The following ZNF726 variants were observed in gnomAD, a reference collection of about 807,000 sequenced individuals.
ZNF726 encodes the protein zinc finger protein 726, also known as zinc finger protein 92 pseudogene 3.
ZNF726 carries 15 observed loss-of-function variants against 11.6 expected under a neutral mutation model. The observed-to-expected ratio is 1.29, with a 90% CI of 0.86 to 1.99. The LOEUF is 1.99. ZNF726 is among the 30% of genes most tolerant of loss of function. The probability of loss-of-function intolerance (pLI) is 0.00; values close to 1 mark genes in which losing one functional copy is unlikely to be tolerated. For missense variants in ZNF726, 890 were observed against 725.6 expected, an observed-to-expected ratio of 1.23 and a Z score of -2.60; for synonymous variants, 295 against 243.6, an observed-to-expected ratio of 1.21 and a Z score of -1.96.
intron 3 of ZNF726, among the ~76,000 whole-genome samples, chr19:23,940,148 G>T (rs1206705853): frequency 6.6e-6 from 1 of 152,040 alleles, no homozygotes; most frequent in Non-Finnish European, 1.5e-5. Flanking sequence ...TATAGTTTCA[G>T]GTCTTAGGTT....
At chr19:23,928,255 A>G (rs1232397162) in intron 3 of ZNF726, 1 of 152,212 alleles carries the variant, frequency 6.6e-6, no homozygotes, top group Admixed American at 6.5e-5. Context: ...TGAGCCAAAT[A>G]AATATTATTT....
At chr19:23,940,957 A>C (rs2145004504) in intron 3 of ZNF726, among the ~76,000 whole-genome samples, 1 of 152,246 alleles carries the variant, frequency 6.6e-6, no homozygotes, top group South Asian at 2.1e-4. Flanking sequence ...CTTCCTGTTT[A>C]CTGATTTGGA....
downstream of ZNF726, chr19:23,936,059 G>T (rs1968225380): frequency 6.6e-6 from 1 of 152,190 alleles, no homozygotes; most frequent in Non-Finnish European, 1.5e-5. Flanking sequence ...ACATCAGGGA[G>T]TTTATATTGA....
downstream of ZNF726, chr19:23,935,555 G>C (rs1599472008): frequency 2.9e-6 from 1 of 346,404 alleles, no homozygotes; most frequent in Non-Finnish European, 5.7e-6. Context: ...AAATCTGAAA[G>C]ATGTGCCCAG....
chr19:23,921,612 T>C (rs1699100138), intron 3 of ZNF726: 1 of 152,178 alleles, frequency 6.6e-6, no homozygotes, highest in Admixed American at 6.5e-5. Context: ...TTGGTTAAAT[T>C]TGTTCTAAAA....
chr19:23,934,726 ATC>A (rs1409436809), downstream of ZNF726, among the ~76,000 whole-genome samples: 3 of 152,126 alleles, frequency 2.0e-5, no homozygotes, highest in South Asian at 4.1e-4. Context: ...ATATTTCTTG[ATC>A]TCTCTGAGCT....
intron 1 of ZNF726, among the ~76,000 whole-genome samples, chr19:23,915,323 G>T (rs1472374483): frequency 4.6e-5 from 7 of 152,304 alleles, no homozygotes; most frequent in African/African-American, 2.4e-5. Context: ...CTGACTCCGG[G>T]TGCGGGCTCA....
At chr19:23,920,963 C>T (rs7247123) in intron 3 of ZNF726, 36,002 of 152,090 alleles carry the variant, frequency 0.24, 4,471 homozygotes, top group African/African-American at 0.27. Context: ...CCAGTTTCCA[C>T]TGGCTGGAAC....
intron 3 of ZNF726, among the ~76,000 whole-genome samples, chr19:23,927,467 T>C (rs1968013332): frequency 6.6e-6 from 1 of 152,158 alleles, no homozygotes; most frequent in African/African-American, 2.4e-5. Context: ...TTGGTCTTCT[T>C]AAATTTATTT....
In ZNF726 at chr19:23,932,429, A is replaced by G. The variant is rs1225010496; in HGVS notation, c.313A>G (p.Lys105Glu). ...AAAAGTAATACTAAGAAGATTTGAA[A>G]AATGTGGACATGAGAATTTACAGTT... is the stretch of plus-strand genomic sequence containing the variant. ...FQKVILRRFE[K>E]CGHENLQLRK... The change falls in exon 4 of 4, where the codon AAA becomes GAA. Residue 105 changes from lysine (K) to glutamate (E), a missense_variant. Coordinates refer to ENST00000594466, the MANE Select transcript of ZNF726 (RefSeq NM_001244038.2). The G allele has an allele frequency of 1.3e-6, 2 of 1,566,554 alleles. No homozygotes were observed. Among genetic ancestry groups the G allele is most frequent in the Non-Finnish European group, 1.7e-6 (2 of 1,160,634 alleles).
chr19:23,934,180 A>C lies in ZNF726; in HGVS notation c.*213A>C, dbSNP rs761427955. The C allele has an allele frequency of 3.7e-6, 3 of 812,102 alleles. No homozygotes were observed. The highest frequency in any genetic ancestry group is 6.4e-6 in the Non-Finnish European group (3 of 468,288). 50.3% of individuals were successfully genotyped at this position (812,102 alleles called of 1,614,324 possible). A position where few individuals can be genotyped will look rare whatever the true frequency, so the allele number is the denominator to read the frequency against. On this transcript the variant is annotated 3_prime_UTR_variant, in exon 4 of 4. Transcript: ENST00000594466. ...TGGGAAAGCTTTTAATCATTCTCAA[A>C]TCTTACTACACATAAGATAATTCAT...
At chr19:23,921,554 C>T (rs1967852300) in intron 3 of ZNF726, 1 of 152,100 alleles carries the variant, frequency 6.6e-6, no homozygotes, top group Non-Finnish European at 1.5e-5. Context: ...TGTGTCCTCT[C>T]TAATTTTTTT....
intron 1 of ZNF726, among the ~76,000 whole-genome samples, chr19:23,918,060 G>T (rs1292381895): frequency 6.6e-6 from 1 of 152,168 alleles, no homozygotes; most frequent in Non-Finnish European, 1.5e-5. Flanking sequence ...CAGGAATGCG[G>T]TTATACCTGT....
intron 3 of ZNF726, among the ~76,000 whole-genome samples, chr19:23,925,674 A>C (rs1168481206): frequency 4.0e-5 from 6 of 150,822 alleles, no homozygotes; most frequent in African/African-American, 1.5e-4. Flanking sequence ...GTCTATTTCT[A>C]AATAAAGTTA....
chr19:23,937,749 C>T (rs368255270), downstream of ZNF726, among the ~76,000 whole-genome samples: 25 of 152,234 alleles, frequency 1.6e-4, no homozygotes, highest in Middle Eastern at 3.4e-3. Flanking sequence ...GGGTGGTGGC[C>T]GGGCAGAGGC....
chr19:23,934,824 C>G (rs1239484512), downstream of ZNF726, among the ~76,000 whole-genome samples: 1 of 152,236 alleles, frequency 6.6e-6, no homozygotes, highest in Non-Finnish European at 1.5e-5. Context: ...GTATCCAAAG[C>G]ATCTGGCACA....
intron 1 of ZNF726, among the ~76,000 whole-genome samples, chr19:23,916,167 C>T (rs1312886380): frequency 6.6e-6 from 1 of 152,116 alleles, no homozygotes; most frequent in Non-Finnish European, 1.5e-5. Context: ...CTCAAGTCTG[C>T]CCCTCATCCC....
chr19:23,929,313 CT>C (rs1175552948), intron 3 of ZNF726: 2 of 152,022 alleles, frequency 1.3e-5, no homozygotes, highest in African/African-American at 4.8e-5. Context: ...TGTTTTTATG[CT>C]GCTAATGAAG....
At position 23,934,187 on chromosome 19, in the gene ZNF726, T is replaced by A; in HGVS notation, c.*220T>A. On this transcript the variant is annotated 3_prime_UTR_variant, in exon 4 of 4. Coordinates refer to ENST00000594466, the MANE Select transcript of ZNF726 (RefSeq NM_001244038.2). ...GCTTTTAATCATTCTCAAATCTTAC[T>A]ACACATAAGATAATTCATACTGGAA... 1 of 805,622 alleles carries A rather than the reference T, an allele frequency of 1.2e-6. No homozygotes were observed. Among genetic ancestry groups the A allele is most frequent in the Non-Finnish European group, 2.2e-6 (1 of 462,578 alleles). The allele number at this position is 805,622 out of a possible 1,614,324, so 49.9% of individuals were successfully genotyped here.
Sources: allele counts gnomAD v4.1 joint callset (sites outside exome capture counted in the v4.1 genomes callset), GRCh38; gene constraint gnomAD v4.1.1; transcripts MANE v1.5; gene names NCBI Gene and HGNC (gene_info 2026-07-23, HGNC 2026-07-21).